Variants in SCARF2 observed in about 807,000 individuals in gnomAD.
SCARF2 encodes scavenger receptor expressed by endothelial cells 2 protein.
SCARF2 carries 39 observed loss-of-function variants against 73.4 expected under a neutral mutation model. The ratio of observed to expected loss-of-function variants is 0.53; its 90% CI spans 0.41 to 0.69. SCARF2 has a LOEUF of 0.69. Among genes scored for constraint, SCARF2 ranks in the 30% least tolerant of loss-of-function variants. The pLI, the probability that SCARF2 is intolerant of heterozygous loss-of-function variation, is 0.00. For synonymous variants in SCARF2, 605 were observed against 590.0 expected, an observed-to-expected ratio of 1.03 and a Z score of -0.37; for missense variants, 1,148 against 1,303.5, an observed-to-expected ratio of 0.88 and a Z score of 1.84.
chr22:20,425,272 C>T lies in SCARF2; in HGVS notation c.*103G>A, dbSNP rs2052558135. On this transcript the variant is annotated 3_prime_UTR_variant, in exon 11 of 11. Coordinates refer to ENST00000622235, the MANE Select transcript of SCARF2 (RefSeq NM_182895.5). This position sits in a 1 kb window ranked among gnomAD's most constrained non-coding sequence, Gnocchi z 4.6. The stretch of plus-strand genomic sequence containing the variant: ...CGCAACCTCCGCTAGCCGCGCGGTG[C>T]CCGGCCAATAGGAGGCCGCCCGTGC... The T allele has an allele frequency of 1.5e-5, 15 of 1,015,398 alleles. No homozygotes were observed. In the South Asian group the frequency reaches 3.3e-4, roughly 22 times the overall value. 62.9% of individuals were successfully genotyped at this position (1,015,398 alleles called of 1,614,324 possible).
Position 20,437,788 on chromosome 22 carries a change from G to C in SCARF2, c.-34C>G, listed in dbSNP as rs2052720133. The C allele has an allele frequency of 1.1e-6, 1 of 895,764 alleles. No individual in the cohort carries two copies. Among genetic ancestry groups the C allele is most frequent in the Non-Finnish European group, 1.3e-6 (1 of 748,728 alleles). The allele number at this position is 895,764 out of a possible 1,614,324, so 55.5% of individuals were successfully genotyped here. A position where few individuals can be genotyped will look rare whatever the true frequency, so the allele number is the denominator to read the frequency against. ...GGGCAGGCGCGGGGCGGGCACGGGC[G>C]CGGGTGCGGCCGCAGCGAGAGCGGC... On this transcript the variant is annotated 5_prime_UTR_variant, in exon 1 of 11. Coordinates refer to ENST00000622235, the MANE Select transcript of SCARF2 (RefSeq NM_182895.5).
At chr22:20,432,394 T>G (rs1017114269) in intron 1 of SCARF2, among the ~76,000 whole-genome samples, 1 of 152,040 alleles carries the variant, frequency 6.6e-6, no homozygotes, top group Non-Finnish European at 1.5e-5. Flanking sequence ...ATGGGTGTCA[T>G]GGATCCAGAT....
At chr22:20,430,298 T>G in intron 6 of SCARF2, 131 bp downstream of exon 6, 2 of 1,148,268 alleles carry the variant, frequency 1.7e-6, no homozygotes, top group Non-Finnish European at 1.2e-6. Context: ...CTACTGTCAC[T>G]CCCTAGCTGG....
intron 1 of SCARF2, among the ~76,000 whole-genome samples, chr22:20,434,682 A>G (rs2108746): frequency 0.86 from 131,338 of 152,284 alleles, 56,947 homozygotes; most frequent in African/African-American, 0.95. Flanking sequence ...AGACCCTCAG[A>G]AGCCAGGCCA....
At position 20,427,520 on chromosome 22, in the gene SCARF2, T is replaced by C. The variant is rs1454521748; in HGVS notation, c.1571A>G (p.Asn524Ser). The C allele has an allele frequency of 5.6e-6, 9 of 1,613,556 alleles. No individual in the cohort carries two copies. The highest frequency in any genetic ancestry group is 7.6e-6 in the Non-Finnish European group (9 of 1,180,000). Residue 524 changes from asparagine to serine, a missense_variant, in exon 10 of 11, where the codon AAC becomes AGC. Asn to Ser is a conservative substitution (Grantham distance 46, BLOSUM62 1). Around this residue, in one of 5 missense-constraint regions of SCARF2, gnomAD observed 437 missense variants for 433.6 expected, o/e 1.01. Coordinates refer to ENST00000622235, the MANE Select transcript of SCARF2 (RefSeq NM_182895.5). ...VAHHDLDNTL[N>S]CSFLEPPSGL... ...TGAGGGTGGCTCCAGGAAGCTGCAG[T>C]TGAGTGTGTTATCCAGGTCGTGGTG...
chr22:20,427,340 C>T (rs2052590061), intron 10 of SCARF2, 58 bp downstream of exon 10: 1 of 1,606,018 alleles, frequency 6.2e-7, no homozygotes, highest in Non-Finnish European at 8.5e-7. Context: ...CAGAACACAG[C>T]TTTTCCATGG....
Position 20,429,216 on chromosome 22 carries a change from C to T in SCARF2, c.1540+9G>A, listed in dbSNP as rs770556811. 2 of 1,614,022 alleles carry T rather than the reference C, an allele frequency of 1.2e-6. No individual in the cohort carries two copies. Among genetic ancestry groups the T allele is most frequent in the Non-Finnish European group, 1.7e-6 (2 of 1,180,028 alleles). On this transcript the variant is annotated intron_variant, in intron 9 of 10. Coordinates refer to ENST00000622235, the MANE Select transcript of SCARF2 (RefSeq NM_182895.5). This position sits in a 1 kb window ranked among gnomAD's most constrained non-coding sequence, Gnocchi z 5.2. ...GTTTCTCCCAGATACCCCGCGCTGT[C>T]ATCCTTACCTACGACTTTGGGTAGT...
Position 20,427,498 on chromosome 22 carries a change from G to A in SCARF2, c.1593C>T (p.Pro531=), listed in dbSNP as rs765649276. 3 of 1,614,040 alleles carry A rather than the reference G, an allele frequency of 1.9e-6. No individual in the cohort carries two copies. The highest frequency in any genetic ancestry group is 2.5e-6 in the Non-Finnish European group (3 of 1,180,020). The change falls in exon 10 of 11, where the codon CCC becomes CCT. Residue 531 remains proline (P), a synonymous_variant. Transcript: ENST00000622235. ...ATGGTGAGGGCTGCTCCAGCCCTGAGGGTGGCTCCAGGAAGCTGCAGTTGA... is the reference window on the plus strand; with the variant it reads ...ATGGTGAGGGCTGCTCCAGCCCTGAAGGTGGCTCCAGGAAGCTGCAGTTGA... ...NTLNCSFLEP[P]SGLEQPSPSW... is the part of the protein sequence containing the mutation.
At position 20,431,157 on chromosome 22, in the gene SCARF2, G is replaced by T; in HGVS notation, c.715C>A (p.Arg239Ser). The change falls in exon 4 of 11, where the codon CGC becomes AGC. Residue 239 changes from arginine (R) to serine (S), a missense_variant. Coordinates refer to ENST00000622235, the MANE Select transcript of SCARF2 (RefSeq NM_182895.5). Reference protein sequence around the residue: ...CQCRERTFGARCDRYCQCFRG... With the variant: ...CQCRERTFGASCDRYCQCFRG... ...AAGCACTGGCAGTAGCGATCGCAGC[G>T]CGCGCCGAACGTACGCTCGCGGCAC... The T allele has an allele frequency of 5.7e-6, 9 of 1,567,764 alleles. No homozygotes were observed. Among genetic ancestry groups the T allele is most frequent in the Non-Finnish European group, 7.7e-6 (9 of 1,165,728 alleles).
chr22:20,433,951 C>G (rs868344113), intron 1 of SCARF2, among the ~76,000 whole-genome samples: 5 of 152,340 alleles, frequency 3.3e-5, no homozygotes, highest in South Asian at 2.1e-4. Context: ...GAAGCACTAA[C>G]CCCCTTCTGC....
chr22:20,428,539 G>T (rs540078437), intron 9 of SCARF2, among the ~76,000 whole-genome samples: 1 of 152,118 alleles, frequency 6.6e-6, no homozygotes, highest in Non-Finnish European at 1.5e-5. Flanking sequence ...CCAGGCCTCA[G>T]GTGATCCACC....
chr22:20,437,212 G>A (rs1446240001), intron 1 of SCARF2, among the ~76,000 whole-genome samples: 1 of 152,198 alleles, frequency 6.6e-6, no homozygotes, highest in African/African-American at 2.4e-5. Context: ...GACTAGTGCG[G>A]GGCTTTAGCA....
At chr22:20,436,401 C>G (rs1049340585) in intron 1 of SCARF2, among the ~76,000 whole-genome samples, 8 of 152,226 alleles carry the variant, frequency 5.3e-5, no homozygotes, top group Middle Eastern at 6.8e-3. Flanking sequence ...CCGCCGCCGC[C>G]GCTGCATTCC....
rs769532269 is a variant in SCARF2, at chr22:20,425,782, C to G, written c.2194G>C (p.Ala732Pro). The G allele has an allele frequency of 1.1e-5, 16 of 1,421,596 alleles. No homozygotes were observed. The highest frequency in any genetic ancestry group is 1.5e-5 in the Non-Finnish European group (16 of 1,091,152). 88.1% of individuals were successfully genotyped at this position (1,421,596 alleles called of 1,614,324 possible). ...RPPGLPEEAT[A>P]LAAPSPPRAR... ...CTGGGCGGCGAGGGCGCAGCGAGGG[C>G]TGTCGCCTCCTCGGGCAGCCCGGGG... Residue 732 changes from alanine (A) to proline (P), a missense_variant, in exon 11 of 11, where the codon GCC (alanine) becomes CCC (proline). Ala to Pro is a conservative substitution (Grantham distance 27, BLOSUM62 -1). Coordinates refer to ENST00000622235, the MANE Select transcript of SCARF2 (RefSeq NM_182895.5). This position sits in a 1 kb window ranked among gnomAD's most constrained non-coding sequence, Gnocchi z 4.6.
At chr22:20,432,389 T>C (rs2052659402) in intron 1 of SCARF2, among the ~76,000 whole-genome samples, 1 of 151,900 alleles carries the variant, frequency 6.6e-6, no homozygotes, top group Non-Finnish European at 1.5e-5. Context: ...GCCTAATGGG[T>C]GTCATGGATC....
Position 20,431,457 on chromosome 22 carries a change from C to T in SCARF2, c.415G>A (p.Gly139Ser). 1 of 1,561,566 alleles carries T rather than the reference C, an allele frequency of 6.4e-7. No individual in the cohort carries two copies. Among genetic ancestry groups the T allele is most frequent in the Non-Finnish European group, 8.6e-7 (1 of 1,162,140 alleles). ...CGCCGCGCGTGACAAGTACACTGGC[C>T]TGTCACGTCCTCGCACTGCCCGTGT... ...HPHGQCEDVTGQCTCHARRWG... is the reference protein window; with the variant it reads ...HPHGQCEDVTSQCTCHARRWG... Residue 139 changes from glycine (G) to serine (S), a missense_variant, in exon 4 of 11, where the codon GGC becomes AGC. By Grantham distance (56) the Gly-to-Ser change is moderately conservative. Around this residue, in one of 5 missense-constraint regions of SCARF2, gnomAD observed 372 missense variants for 532.0 expected, o/e 0.70. Coordinates refer to ENST00000622235, the MANE Select transcript of SCARF2 (RefSeq NM_182895.5).
At chr22:20,427,282 G>T in intron 10 of SCARF2, 116 bp downstream of exon 10, 1 of 1,310,390 alleles carries the variant, frequency 7.6e-7, no homozygotes, top group Non-Finnish European at 1.1e-6. Flanking sequence ...TACCAGCATG[G>T]CCAAGGCCTT....
chr22:20,430,933 G>A (rs1472858424), intron 4 of SCARF2, 25 bp from the exon 5 acceptor site: 1 of 1,567,146 alleles, frequency 6.4e-7, no homozygotes, highest in Non-Finnish European at 8.6e-7. Context: ...GGAGGCTAGG[G>A]AAGGCTGGGA....
chr22:20,430,300 C>T, intron 6 of SCARF2, 129 bp downstream of exon 6: 2 of 1,178,786 alleles, frequency 1.7e-6, no homozygotes, highest in South Asian at 3.1e-5. Flanking sequence ...ACTGTCACTC[C>T]CTAGCTGGGG....
Sources: allele counts gnomAD v4.1 joint callset (sites outside exome capture counted in the v4.1 genomes callset), GRCh38; gene constraint gnomAD v4.1.1; regional missense constraint gnomAD v4.1.1; non-coding constraint Gnocchi (gnomAD v3.1); transcripts MANE v1.5; gene names NCBI Gene and HGNC (gene_info 2026-07-23, HGNC 2026-07-21).